Variants in TRABD2B observed in about 807,000 individuals in gnomAD.
TRABD2B encodes the protein TraB domain containing 2B.
In TRABD2B, 14 loss-of-function variants were observed where a neutral mutation model predicts 40.1. The observed-to-expected ratio is 0.35, with a 90% CI of 0.23 to 0.55. The LOEUF is 0.55. TRABD2B is among the 20% of genes least tolerant of loss of function. The probability of loss-of-function intolerance (pLI) is 0.90; values close to 1 mark genes in which losing one functional copy is unlikely to be tolerated. For missense variants in TRABD2B, 541 were observed against 648.6 expected (o/e 0.83, Z 1.80); for synonymous variants, 263 against 277.0 (o/e 0.95, Z 0.50).
intron 2 of TRABD2B, among the ~76,000 whole-genome samples, chr1:47,811,267 C>A (rs867665688): frequency 6.6e-6 from 1 of 152,086 alleles, no homozygotes; most frequent in Non-Finnish European, 1.5e-5. Flanking sequence ...CCTCACCACC[C>A]CCCCATCGCC....
At chr1:47,795,573 A>T (rs1644737391) in intron 3 of TRABD2B, 1 of 885,196 alleles carries the variant, frequency 1.1e-6, no homozygotes, top group African/African-American at 1.8e-5. Flanking sequence ...CAAGTTACTT[A>T]ACTTTTCCGA....
chr1:47,852,711 T>A (rs1267179417), intron 2 of TRABD2B, among the ~76,000 whole-genome samples: 1 of 152,128 alleles, frequency 6.6e-6, no homozygotes, highest in Non-Finnish European at 1.5e-5. Context: ...GGAGGTACCA[T>A]TGTTATCCCC....
chr1:47,969,811 C>T (rs1392708683), intron 2 of TRABD2B, among the ~76,000 whole-genome samples: 3 of 152,176 alleles, frequency 2.0e-5, no homozygotes, highest in Non-Finnish European at 2.9e-5. Flanking sequence ...GTGATGCTGT[C>T]CTGGTCCCAG....
intron 2 of TRABD2B, among the ~76,000 whole-genome samples, chr1:47,984,686 C>G (rs1418507345): frequency 6.6e-6 from 1 of 152,040 alleles, no homozygotes; most frequent in African/African-American, 2.4e-5. Context: ...CTAGTACTCC[C>G]TAGGCTTTAC....
intron 2 of TRABD2B, among the ~76,000 whole-genome samples, chr1:47,837,307 A>G (rs1332475809): frequency 6.6e-6 from 1 of 152,180 alleles, no homozygotes; most frequent in South Asian, 2.1e-4. Flanking sequence ...TTTTTCCCAC[A>G]TTAGGACGTC....
At chr1:47,814,636 C>T (rs1402727407) in intron 2 of TRABD2B, among the ~76,000 whole-genome samples, 1 of 152,196 alleles carries the variant, frequency 6.6e-6, no homozygotes, top group East Asian at 1.9e-4. Context: ...CTCCCCACTC[C>T]CTTCCCTTTT....
At chr1:47,820,882 A>T (rs1426000380) in intron 2 of TRABD2B, among the ~76,000 whole-genome samples, 1 of 152,170 alleles carries the variant, frequency 6.6e-6, no homozygotes, top group Non-Finnish European at 1.5e-5. Flanking sequence ...TTTTAAAATA[A>T]TAAGACTACG....
chr1:47,992,192 C>G (rs1646022159), intron 2 of TRABD2B, among the ~76,000 whole-genome samples: 1 of 152,112 alleles, frequency 6.6e-6, no homozygotes, highest in South Asian at 2.1e-4. Context: ...GGGTTGGGCA[C>G]ATTTTTGAAA....
intron 2 of TRABD2B, among the ~76,000 whole-genome samples, chr1:47,990,791 A>C (rs1645995590): frequency 5.4e-5 from 2 of 37,354 alleles, no homozygotes; most frequent in African/African-American, 2.6e-4. Context: ...ATATATATAT[A>C]TATATATATA....
chr1:47,935,266 A>G (rs963322373), intron 2 of TRABD2B, among the ~76,000 whole-genome samples: 1 of 152,206 alleles, frequency 6.6e-6, no homozygotes, highest in African/African-American at 2.4e-5. Context: ...CAGACTAGGG[A>G]ACAAAAGCTC....
At chr1:47,990,592 A>C (rs1408720647) in intron 2 of TRABD2B, among the ~76,000 whole-genome samples, 1 of 151,036 alleles carries the variant, frequency 6.6e-6, no homozygotes, top group African/African-American at 2.4e-5. Context: ...CAAGCACAAA[A>C]CCAACATCCA....
At chr1:47,949,781 A>G (rs12750907) in intron 2 of TRABD2B, among the ~76,000 whole-genome samples, 72,172 of 151,918 alleles carry the variant, frequency 0.48, 18,547 homozygotes, top group Middle Eastern at 0.62. Flanking sequence ...TAGAGAAAAT[A>G]ATACATTTTT....
intron 2 of TRABD2B, among the ~76,000 whole-genome samples, chr1:47,888,544 C>G (rs918857839): frequency 3.3e-5 from 5 of 152,226 alleles, no homozygotes; most frequent in African/African-American, 1.2e-4. Flanking sequence ...TTCTTCAGAT[C>G]TCCTCTGAAA....
chr1:47,990,771 TTATATATATATATATATATA>T lies in TRABD2B; in HGVS notation c.666+3243_666+3262del, dbSNP rs55649435. On this transcript the variant is annotated intron_variant, in intron 2 of 6. Coordinates refer to ENST00000606738, the MANE Select transcript of TRABD2B (RefSeq NM_001194986.2). Reference sequence around the variant, plus strand: ...AGTTGTTGGTTTTAAAACGTTGGTTTTATATATATATATATATATATATATATATATATATATATATATAT... The same window carrying T: ...AGTTGTTGGTTTTAAAACGTTGGTTTTATATATATATATATATATATATAT... 3.9e-3 allele frequency among the ~76,000 whole-genome samples: 144 copies of T among 36,554 alleles called. 4 individuals are homozygous for T. The highest frequency in any genetic ancestry group is 5.2e-3 in the Admixed American group (16 of 3,050). 24.0% of individuals were successfully genotyped at this position (36,554 alleles called of 152,430 possible).
intron 2 of TRABD2B, among the ~76,000 whole-genome samples, chr1:47,826,192 G>C (rs12071349): frequency 0.31 from 47,566 of 152,060 alleles, 7,807 homozygotes; most frequent in Non-Finnish European, 0.37. Context: ...GGCTGGGCTG[G>C]AGCTGAGCCA....
chr1:47,982,561 A>G (rs2148444779), intron 2 of TRABD2B, among the ~76,000 whole-genome samples: 1 of 152,348 alleles, frequency 6.6e-6, no homozygotes, highest in South Asian at 2.1e-4. Context: ...ATCATTTTGA[A>G]CAAAGTACTT....
intron 4 of TRABD2B, 126 bp downstream of exon 4, chr1:47,794,456 TAAGC>T: frequency 9.7e-7 from 1 of 1,035,376 alleles, no homozygotes; most frequent in East Asian, 2.9e-5. Flanking sequence ...GTGCTGCTGC[TAAGC>T]ACTGTGTGGC....
chr1:47,922,037 G>A (rs1234058840), intron 2 of TRABD2B, among the ~76,000 whole-genome samples: 2 of 152,198 alleles, frequency 1.3e-5, no homozygotes, highest in African/African-American at 2.4e-5. Context: ...CAGAACTGGG[G>A]TGCAGGCTCA....
At chr1:47,983,756 G>GAAAAAAAAAA (rs67664418) in intron 2 of TRABD2B, among the ~76,000 whole-genome samples, 2 of 122,178 alleles carry the variant, frequency 1.6e-5, no homozygotes, top group Non-Finnish European at 1.7e-5. Flanking sequence ...GGCAAAAAAA[G>GAAAAAAAAAA]AAAAAAAAAA....
Sources: allele counts gnomAD v4.1 joint callset (sites outside exome capture counted in the v4.1 genomes callset), GRCh38; gene constraint gnomAD v4.1.1; transcripts MANE v1.5; gene names NCBI Gene and HGNC (gene_info 2026-07-23, HGNC 2026-07-21).